The following TIAM1 variants were observed in gnomAD, a reference collection of about 807,000 sequenced individuals.
TIAM1 encodes the protein rho guanine nucleotide exchange factor TIAM1.
Under a neutral mutation model 163.5 loss-of-function variants are expected in TIAM1, and 65 were observed. The observed-to-expected ratio is 0.40, with a 90% CI of 0.33 to 0.49. The LOEUF is 0.49. Among genes scored for constraint, TIAM1 ranks in the 20% least tolerant of loss-of-function variants. The pLI is 0.77. For missense variants in TIAM1, 1,789 were observed against 2,044.7 expected, an observed-to-expected ratio of 0.87 and a Z score of 2.41; for synonymous variants, 833 against 810.1, an observed-to-expected ratio of 1.03 and a Z score of -0.48.
At chr21:31,138,307 G>A (rs1003802306) in intron 22 of TIAM1, among the ~76,000 whole-genome samples, 4 of 152,186 alleles carry the variant, frequency 2.6e-5, no homozygotes, top group Non-Finnish European at 5.9e-5. Flanking sequence ...TTCTTTGCCA[G>A]CTTTGTTCTC....
intron 2 of TIAM1, among the ~76,000 whole-genome samples, chr21:31,332,399 C>T (rs1476904037): frequency 6.6e-6 from 1 of 152,128 alleles, no homozygotes; most frequent in East Asian, 1.9e-4. Context: ...ACTCACAGCC[C>T]TGAGCAACAG....
At chr21:31,548,416 C>T (rs1404452243) in intron 1 of TIAM1, among the ~76,000 whole-genome samples, 1 of 151,482 alleles carries the variant, frequency 6.6e-6, no homozygotes, top group Non-Finnish European at 1.5e-5. Context: ...GTTGGGATTA[C>T]AGGCGTGACC....
intron 2 of TIAM1, among the ~76,000 whole-genome samples, chr21:31,285,619 G>C (rs930289355): frequency 3.3e-5 from 5 of 152,176 alleles, no homozygotes; most frequent in Non-Finnish European, 7.3e-5. Context: ...CAGCACTTTG[G>C]GGGGCCAAGG....
chr21:31,131,230 T>C (rs1178339818), intron 23 of TIAM1, among the ~76,000 whole-genome samples: 1 of 152,224 alleles, frequency 6.6e-6, no homozygotes, highest in African/African-American at 2.4e-5. Flanking sequence ...TATGATACAA[T>C]TTCAAGGTTA....
At chr21:31,222,666 T>G (rs1483446208) in intron 8 of TIAM1, among the ~76,000 whole-genome samples, 1 of 133,094 alleles carries the variant, frequency 7.5e-6, no homozygotes, top group Non-Finnish European at 1.6e-5. Flanking sequence ...TATACATACA[T>G]GTACACATAC....
chr21:31,548,347 G>A (rs1465819630), intron 1 of TIAM1, among the ~76,000 whole-genome samples: 1 of 151,912 alleles, frequency 6.6e-6, no homozygotes, highest in Non-Finnish European at 1.5e-5. Context: ...CGCCATGTTG[G>A]CCAGGCTGGT....
At chr21:31,319,606 G>A (rs748603677) in intron 2 of TIAM1, among the ~76,000 whole-genome samples, 5 of 151,856 alleles carry the variant, frequency 3.3e-5, no homozygotes, top group Middle Eastern at 3.4e-3. Context: ...GTGAAACCCC[G>A]TCTGTACTAA....
chr21:31,141,641 AG>A lies in TIAM1; in HGVS notation c.3476-138del. Reference sequence around the variant, plus strand: ...GAGAGTGGGTGGCAGGAAGAGGGACAGGTAGGGGAGGGGGCAGTCAGGGAGA... The same window carrying A: ...GAGAGTGGGTGGCAGGAAGAGGGACAGTAGGGGAGGGGGCAGTCAGGGAGA... On this transcript the variant is annotated intron_variant, in intron 20 of 27. Transcript: ENST00000541036. The surrounding 1 kb of genome is among the most constrained non-coding windows in gnomAD (Gnocchi z 4.7). 2.3e-6 allele frequency: 2 copies of A among 876,228 alleles called. No homozygotes were observed. Among genetic ancestry groups the A allele is most frequent in the South Asian group, 3.4e-5 (2 of 59,590 alleles). 54.3% of individuals were successfully genotyped at this position (876,228 alleles called of 1,614,324 possible).
At chr21:31,557,388 G>A (rs934886488) in intron 1 of TIAM1, among the ~76,000 whole-genome samples, 4 of 152,164 alleles carry the variant, frequency 2.6e-5, no homozygotes, top group African/African-American at 9.7e-5. Context: ...TATTTCATAC[G>A]TGGCTGTCAC....
intron 17 of TIAM1, among the ~76,000 whole-genome samples, chr21:31,153,665 T>C (rs566878513): frequency 1.4e-4 from 22 of 152,134 alleles, no homozygotes; most frequent in African/African-American, 5.3e-4. Context: ...TACCCTCAAC[T>C]TTTAAAAAAA....
chr21:31,466,811 A>C (rs1389279461), intron 1 of TIAM1, among the ~76,000 whole-genome samples: 1 of 152,148 alleles, frequency 6.6e-6, no homozygotes, highest in Non-Finnish European at 1.5e-5. Flanking sequence ...TCTAAACATC[A>C]AGCTACCGTA....
chr21:31,191,453 C>T (rs996970170), intron 13 of TIAM1, among the ~76,000 whole-genome samples: 23 of 152,206 alleles, frequency 1.5e-4, no homozygotes, highest in Admixed American at 1.5e-3. Context: ...TGTGTCCAGC[C>T]TGTGGCAGGG....
At chr21:31,445,495 T>C (rs1354041802) in intron 2 of TIAM1, among the ~76,000 whole-genome samples, 1 of 152,234 alleles carries the variant, frequency 6.6e-6, no homozygotes, top group African/African-American at 2.4e-5. Context: ...GGAGATGTTA[T>C]ATTCCCACTT....
intron 22 of TIAM1, among the ~76,000 whole-genome samples, chr21:31,140,665 CTCT>C (rs2082806665): frequency 6.6e-6 from 1 of 152,196 alleles, no homozygotes; most frequent in Non-Finnish European, 1.5e-5. Flanking sequence ...CCTGCCACTG[CTCT>C]TCTAAGTAGG....
chr21:31,122,543 T>C (rs1429592108), intron 27 of TIAM1, among the ~76,000 whole-genome samples: 1 of 152,214 alleles, frequency 6.6e-6, no homozygotes, highest in South Asian at 2.1e-4. Flanking sequence ...ATAATGAGAA[T>C]ATAGAAAAAC....
intron 1 of TIAM1, among the ~76,000 whole-genome samples, chr21:31,538,565 C>T (rs1028733572): frequency 6.6e-6 from 1 of 152,202 alleles, no homozygotes; most frequent in Non-Finnish European, 1.5e-5. Flanking sequence ...ACCCCGTTTA[C>T]AGCAAAGCTC....
chr21:31,555,311 T>C (rs909698357), intron 1 of TIAM1, among the ~76,000 whole-genome samples: 2 of 152,098 alleles, frequency 1.3e-5, no homozygotes, highest in African/African-American at 4.8e-5. Flanking sequence ...ATCTGATTTT[T>C]CTGGTCCAGA....
At position 31,120,901 on chromosome 21, in the gene TIAM1, A is replaced by G; in HGVS notation, c.4307-64T>C. On this transcript the variant is annotated intron_variant, in intron 27 of 27. Transcript: ENST00000541036. The surrounding 1 kb of genome is among the most constrained non-coding windows in gnomAD (Gnocchi z 4.2). Reference sequence around the variant, plus strand: ...CATGCTTTACGTGAGATGAAAATCCAGAAAGCAAAGGACAGGAGAAAATAA... The same window carrying G: ...CATGCTTTACGTGAGATGAAAATCCGGAAAGCAAAGGACAGGAGAAAATAA... The G allele has an allele frequency of 6.9e-7, 1 of 1,451,598 alleles. No individual in the cohort carries two copies. The highest frequency in any genetic ancestry group is 9.2e-7 in the Non-Finnish European group (1 of 1,091,474). 89.9% of individuals were successfully genotyped at this position (1,451,598 alleles called of 1,614,324 possible).
At chr21:31,394,503 CT>C (rs2077018550) in intron 2 of TIAM1, among the ~76,000 whole-genome samples, 1 of 152,034 alleles carries the variant, frequency 6.6e-6, no homozygotes, top group South Asian at 2.1e-4. Flanking sequence ...ACTATGAACT[CT>C]GGGTGGTGAT....
Sources: allele counts gnomAD v4.1 joint callset (sites outside exome capture counted in the v4.1 genomes callset), GRCh38; gene constraint gnomAD v4.1.1; non-coding constraint Gnocchi (gnomAD v3.1); transcripts MANE v1.5; gene names NCBI Gene and HGNC (gene_info 2026-07-23, HGNC 2026-07-21).